LGR5: variants seen among roughly 807,000 people sequenced by gnomAD.
LGR5 encodes leucine-rich repeat-containing G protein-coupled receptor 5.
A neutral mutation model predicts 76.7 loss-of-function variants in LGR5; 54 were observed. The ratio of observed to expected loss-of-function variants is 0.70; its 90% CI spans 0.57 to 0.88. The LOEUF is 0.88. Ranked by LOEUF, LGR5 falls within the 40% of genes least tolerant of loss-of-function variation. The pLI is 0.00. For synonymous variants in LGR5, 406 were observed against 421.9 expected (o/e 0.96, Z 0.46); for missense variants, 1,078 against 1,073.3 (o/e 1.00, Z -0.06).
chr12:71,571,332 C>T (rs978495146), intron 11 of LGR5, 182 bp from the exon 12 acceptor site: 2 of 456,966 alleles, frequency 4.4e-6, no homozygotes, highest in East Asian at 3.4e-5. Flanking sequence ...TTTCAGTAAA[C>T]ATTTGAATCT....
chr12:71,510,353 T>A lies in LGR5; in HGVS notation c.284+5668T>A, dbSNP rs187593141. The stretch of plus-strand genomic sequence containing the variant: ...ATTTAGATATCGGTCATTGTGTATA[T>A]ATATATGTTTGTGGTGTATATCTTT... On this transcript the variant is annotated intron_variant, in intron 2 of 17. Transcript: ENST00000266674. Among the ~76,000 whole-genome samples the A allele has an allele frequency of 1.6e-4, 25 of 152,328 alleles. 1 individual carries two copies. In the East Asian group the frequency reaches 4.6e-3, roughly 28 times the overall value.
At chr12:71,544,734 T>G (rs1565739466) in intron 4 of LGR5, among the ~76,000 whole-genome samples, 3 of 152,164 alleles carry the variant, frequency 2.0e-5, no homozygotes. Context: ...GCAGTAAAAT[T>G]TTATCACAAC....
In LGR5 at chr12:71,584,764, G is replaced by T. The variant is rs200394490; in HGVS notation, c.*30G>T. The stretch of plus-strand genomic sequence containing the variant: ...TATGTGAAGGAAAATGTTTTCAAAG[G>T]TTGAGAACCTGAAAATGTGAGATTG... On this transcript the variant is annotated 3_prime_UTR_variant, in exon 18 of 18. Coordinates refer to ENST00000266674, the MANE Select transcript of LGR5 (RefSeq NM_003667.4). 3.0e-5 allele frequency: 48 copies of T among 1,584,190 alleles called. No homozygotes were observed. The highest frequency in any genetic ancestry group is 3.8e-5 in the Non-Finnish European group (44 of 1,160,820).
At chr12:71,474,888 T>C (rs747955877) in intron 1 of LGR5, among the ~76,000 whole-genome samples, 5 of 152,234 alleles carry the variant, frequency 3.3e-5, no homozygotes, top group Non-Finnish European at 7.3e-5. Context: ...AGCTTTAATG[T>C]TGGCCAAGGG....
At chr12:71,459,099 C>T (rs1014377098) in intron 1 of LGR5, among the ~76,000 whole-genome samples, 4 of 151,912 alleles carry the variant, frequency 2.6e-5, no homozygotes, top group African/African-American at 9.7e-5. Flanking sequence ...CTAGTAAGAC[C>T]AGTATGTACC....
intron 5 of LGR5, among the ~76,000 whole-genome samples, chr12:71,555,507 C>G (rs1877713326): frequency 6.6e-6 from 1 of 152,170 alleles, no homozygotes; most frequent in African/African-American, 2.4e-5. Context: ...TCTCCTTGGG[C>G]AGCAGAAAAA....
chr12:71,533,519 G>T (rs902210587), intron 3 of LGR5, among the ~76,000 whole-genome samples: 7 of 152,088 alleles, frequency 4.6e-5, no homozygotes, highest in African/African-American at 1.7e-4. Flanking sequence ...TTGGGATGGG[G>T]CCCAGCATTC....
At chr12:71,573,867 C>T (rs1878727358) in intron 13 of LGR5, among the ~76,000 whole-genome samples, 1 of 151,042 alleles carries the variant, frequency 6.6e-6, no homozygotes, top group Non-Finnish European at 1.5e-5. Flanking sequence ...GTTGTGTTGC[C>T]CTTCTCTCAC....
At chr12:71,536,877 G>A (rs1807459205) in intron 4 of LGR5, among the ~76,000 whole-genome samples, 1 of 152,146 alleles carries the variant, frequency 6.6e-6, no homozygotes, top group South Asian at 2.1e-4. Flanking sequence ...CTCTACATTT[G>A]GTTTCTGGTT....
intron 1 of LGR5, among the ~76,000 whole-genome samples, chr12:71,446,282 G>A (rs1461379581): frequency 6.6e-6 from 1 of 152,196 alleles, no homozygotes; most frequent in Non-Finnish European, 1.5e-5. Context: ...GCTGAATTGT[G>A]TTCAGTTTAA....
At chr12:71,472,888 A>C (rs2137245814) in intron 1 of LGR5, among the ~76,000 whole-genome samples, 1 of 152,328 alleles carries the variant, frequency 6.6e-6, no homozygotes, top group Non-Finnish European at 1.5e-5. Flanking sequence ...TTGATTGTAT[A>C]AAGCACATTC....
At chr12:71,478,853 A>G (rs1156573434) in intron 1 of LGR5, among the ~76,000 whole-genome samples, 1 of 152,172 alleles carries the variant, frequency 6.6e-6, no homozygotes, top group East Asian at 1.9e-4. Context: ...AATAACAAGA[A>G]CTCGTTAATT....
chr12:71,567,856 C>T (rs149978129), intron 11 of LGR5, among the ~76,000 whole-genome samples: 31 of 152,142 alleles, frequency 2.0e-4, no homozygotes, highest in African/African-American at 7.5e-4. Flanking sequence ...TTGCCCTACC[C>T]CATCCCACCC....
intron 3 of LGR5, among the ~76,000 whole-genome samples, chr12:71,532,251 C>T (rs570202485): frequency 5.3e-5 from 8 of 152,126 alleles, no homozygotes; most frequent in African/African-American, 1.2e-4. Context: ...TGTAAAATAA[C>T]AAAAATGTAA....
intron 1 of LGR5, among the ~76,000 whole-genome samples, chr12:71,471,366 T>G (rs1873095049): frequency 6.6e-6 from 1 of 152,172 alleles, no homozygotes; most frequent in Non-Finnish European, 1.5e-5. Flanking sequence ...GAGCCTTGTG[T>G]GTGAGTCTGT....
chr12:71,584,607 A>C lies in LGR5; in HGVS notation c.2597A>C (p.Gln866Pro). 6.2e-7 allele frequency: 1 copy of C among 1,614,174 alleles called. No individual in the cohort carries two copies. The highest frequency in any genetic ancestry group is 1.1e-5 in the South Asian group (1 of 91,080). The part of the protein sequence containing the change: ...DVEKQSCDST[Q>P]ALVTFTSSSI... ...GAAAAACAGTCCTGTGACTCAACTCAAGCCTTGGTAACCTTTACCAGCTCC... is the reference window on the plus strand; with the variant it reads ...GAAAAACAGTCCTGTGACTCAACTCCAGCCTTGGTAACCTTTACCAGCTCC... The change falls in exon 18 of 18, where the codon CAA (glutamine) becomes CCA (proline). Residue 866 changes from glutamine to proline, a missense_variant. Physicochemically the swap from Gln to Pro is moderately conservative, Grantham distance 76. Transcript: ENST00000266674.
chr12:71,469,488 C>T (rs2137240325), intron 1 of LGR5, among the ~76,000 whole-genome samples: 1 of 152,298 alleles, frequency 6.6e-6, no homozygotes, highest in Middle Eastern at 3.4e-3. Context: ...GGAATCAGTG[C>T]GGTTCAGGAG....
intron 1 of LGR5, among the ~76,000 whole-genome samples, chr12:71,458,053 T>C (rs1235160637): frequency 6.6e-6 from 1 of 152,218 alleles, no homozygotes; most frequent in East Asian, 1.9e-4. Context: ...CCCAAACACA[T>C]GTAGTCATTA....
At chr12:71,559,693 C>T (rs753325100) in intron 7 of LGR5, 39 bp downstream of exon 7, 2 of 1,071,838 alleles carry the variant, frequency 1.9e-6, no homozygotes, top group South Asian at 2.8e-5. Context: ...GAACTTTATC[C>T]TTTTGTGAAT....
Sources: gnomAD v4.1 joint callset for allele counts (sites outside exome capture counted in the v4.1 genomes callset) on GRCh38, gnomAD v4.1.1 for gene constraint, MANE v1.5 for transcripts, NCBI Gene and HGNC (gene_info 2026-07-23, HGNC 2026-07-21) for gene names.